ANKS1B: variants seen among roughly 807,000 people sequenced by gnomAD.
ANKS1B encodes ankyrin repeat and sterile alpha motif domain-containing protein 1B.
ANKS1B carries 36 observed loss-of-function variants against 148.3 expected under a neutral mutation model. That is an observed-to-expected ratio of 0.24 (90% CI 0.19 to 0.32). ANKS1B has a LOEUF of 0.32. ANKS1B is among the 10% of genes least tolerant of loss of function. The pLI, the probability that ANKS1B is intolerant of heterozygous loss-of-function variation, is 1.00. For missense variants in ANKS1B, 1,157 were observed against 1,542.6 expected, an observed-to-expected ratio of 0.75 and a Z score of 4.19; for synonymous variants, 542 against 560.8, an observed-to-expected ratio of 0.97 and a Z score of 0.47.
At chr12:99,276,801 C>T (rs1397844368) in intron 12 of ANKS1B, among the ~76,000 whole-genome samples, 1 of 152,144 alleles carries the variant, frequency 6.6e-6, no homozygotes, top group African/African-American at 2.4e-5. Context: ...GAAGAAATCA[C>T]CCTTTCTGTA....
At chr12:98,839,900 C>T (rs1424456837) in intron 17 of ANKS1B, among the ~76,000 whole-genome samples, 1 of 152,148 alleles carries the variant, frequency 6.6e-6, no homozygotes, top group African/African-American at 2.4e-5. Context: ...CATGATACAT[C>T]CTGGTGGGTA....
intron 15 of ANKS1B, among the ~76,000 whole-genome samples, chr12:99,102,907 C>T (rs140725650): frequency 1.4e-3 from 206 of 151,822 alleles, no homozygotes; most frequent in Non-Finnish European, 2.1e-3. Flanking sequence ...CCAACCTAGG[C>T]GACCGATAGA....
At chr12:99,753,666 A>G (rs1295273489) in intron 8 of ANKS1B, among the ~76,000 whole-genome samples, 3 of 151,962 alleles carry the variant, frequency 2.0e-5, no homozygotes, top group African/African-American at 4.8e-5. Context: ...ATGAGGACAG[A>G]GTCAAATCTA....
chr12:98,773,734 G>A (rs764874168), intron 24 of ANKS1B, among the ~76,000 whole-genome samples: 2 of 152,196 alleles, frequency 1.3e-5, no homozygotes, highest in Non-Finnish European at 2.9e-5. Flanking sequence ...GGGATTACAG[G>A]CGTGAGTCAC....
At chr12:99,416,079 G>T (rs1237195607) in intron 11 of ANKS1B, among the ~76,000 whole-genome samples, 4 of 152,084 alleles carry the variant, frequency 2.6e-5, no homozygotes, top group Non-Finnish European at 5.9e-5. Context: ...CTACAATTTT[G>T]TCACATTAAT....
chr12:99,007,679 A>T (rs2099936909), intron 17 of ANKS1B, among the ~76,000 whole-genome samples: 1 of 151,896 alleles, frequency 6.6e-6, no homozygotes, highest in Admixed American at 6.6e-5. Context: ...CTTAGGGGTA[A>T]CTCTTTCACC....
chr12:98,923,614 A>C (rs2099804252), intron 17 of ANKS1B, among the ~76,000 whole-genome samples: 1 of 152,214 alleles, frequency 6.6e-6, no homozygotes, highest in African/African-American at 2.4e-5. Context: ...ATGTAGAGTG[A>C]ATCTGTAGAA....
chr12:99,624,061 T>C (rs12228657), intron 9 of ANKS1B, among the ~76,000 whole-genome samples: 12,785 of 152,032 alleles, frequency 0.084, 855 homozygotes, highest in East Asian at 0.24. Context: ...AATAGACATA[T>C]AAACCAAGGG....
intron 10 of ANKS1B, among the ~76,000 whole-genome samples, chr12:99,471,286 T>TA: frequency 6.6e-6 from 1 of 152,172 alleles, no homozygotes; most frequent in East Asian, 1.9e-4. Flanking sequence ...TTGTTGTTGT[T>TA]AACAAAATAT....
chr12:99,030,717 C>A (rs576491716), intron 17 of ANKS1B, among the ~76,000 whole-genome samples: 1 of 152,316 alleles, frequency 6.6e-6, no homozygotes, highest in South Asian at 2.1e-4. Context: ...GCGAACTCTT[C>A]AAAGGAAATT....
intron 17 of ANKS1B, among the ~76,000 whole-genome samples, chr12:98,966,805 C>A (rs901655182): frequency 3.4e-5 from 5 of 147,792 alleles, no homozygotes; most frequent in Non-Finnish European, 5.9e-5. Flanking sequence ...AACCAAACAC[C>A]GCATGTTCTC....
At position 99,773,087 on chromosome 12, in the gene ANKS1B, A is replaced by T; in HGVS notation, c.963T>A (p.Ser321Arg). The change falls in exon 8 of 27, where the codon AGT becomes AGA. Residue 321 changes from serine (S) to arginine (R), a missense_variant and splice_region_variant. Transcript: ENST00000683438. ...TTGATAATTCTCCAGTGACGGTTTC[A>T]CCTATGAGAATAATTTTTTCAGAAG... Reference protein sequence around the residue: ...PVESPSQKTKSETVTGELSKL... With the variant: ...PVESPSQKTKRETVTGELSKL... 6.3e-7 allele frequency: 1 copy of T among 1,591,794 alleles called. No individual in the cohort carries two copies. Among genetic ancestry groups the T allele is most frequent in the South Asian group, 1.2e-5 (1 of 86,826 alleles).
chr12:99,026,688 G>A (rs2099948954), intron 17 of ANKS1B, among the ~76,000 whole-genome samples: 1 of 152,098 alleles, frequency 6.6e-6, no homozygotes. Context: ...ACTCTGCCAT[G>A]TTACCTGAAC....
intron 10 of ANKS1B, among the ~76,000 whole-genome samples, chr12:99,472,269 G>A (rs1376333636): frequency 1.3e-5 from 2 of 151,920 alleles, no homozygotes; most frequent in Non-Finnish European, 2.9e-5. Context: ...TTTCTGCAGC[G>A]TCTTCTCTGG....
At chr12:98,946,487 G>A (rs1043753745) in intron 17 of ANKS1B, among the ~76,000 whole-genome samples, 4 of 152,052 alleles carry the variant, frequency 2.6e-5, no homozygotes, top group African/African-American at 4.8e-5. Flanking sequence ...GAACAAAAAG[G>A]GTTCCTGCCT....
chr12:98,937,796 T>G (rs2099820154), intron 17 of ANKS1B, among the ~76,000 whole-genome samples: 1 of 152,172 alleles, frequency 6.6e-6, no homozygotes, highest in East Asian at 1.9e-4. Flanking sequence ...GAAAAGAGGT[T>G]TAATTGACTC....
chr12:99,411,633 T>C (rs2094710714), intron 11 of ANKS1B, among the ~76,000 whole-genome samples: 1 of 152,232 alleles, frequency 6.6e-6, no homozygotes, highest in African/African-American at 2.4e-5. Flanking sequence ...TTTCTCAAAA[T>C]GATAGCCTAC....
intron 14 of ANKS1B, among the ~76,000 whole-genome samples, chr12:99,163,986 G>C (rs2076957721): frequency 1.3e-5 from 2 of 152,268 alleles, no homozygotes; most frequent in South Asian, 4.1e-4. Context: ...TGATAGGTAT[G>C]TACTAATATT....
intron 17 of ANKS1B, among the ~76,000 whole-genome samples, chr12:99,017,695 C>T (rs1451221635): frequency 6.6e-6 from 1 of 152,282 alleles, no homozygotes; most frequent in African/African-American, 2.4e-5. Flanking sequence ...TCCAAGCCTT[C>T]AGGGAGACTG....
Sources: gnomAD v4.1 joint callset for allele counts (sites outside exome capture counted in the v4.1 genomes callset) on GRCh38, gnomAD v4.1.1 for gene constraint, MANE v1.5 for transcripts, NCBI Gene and HGNC (gene_info 2026-07-23, HGNC 2026-07-21) for gene names.